The following FARP2 variants were observed in gnomAD, a reference collection of about 807,000 sequenced individuals.
FARP2 encodes the protein FERM, ARH/RhoGEF and pleckstrin domain protein 2.
A neutral mutation model predicts 130.5 loss-of-function variants in FARP2; 111 were observed. The ratio of observed to expected loss-of-function variants is 0.85; its 90% CI spans 0.73 to 1.00. The LOEUF is 1.00. FARP2 is among the 50% of genes least tolerant of loss of function. FARP2 has a pLI of 0.00. For missense variants in FARP2, 1,385 were observed against 1,346.3 expected (o/e 1.03, Z -0.45); for synonymous variants, 504 against 516.9 (o/e 0.98, Z 0.34).
chr2:241,376,240 G>T (rs1203233404), intron 2 of FARP2, among the ~76,000 whole-genome samples: 1 of 152,184 alleles, frequency 6.6e-6, no homozygotes, highest in Non-Finnish European at 1.5e-5. Context: ...CCAGAAGTGG[G>T]CACTGCAGTG....
intron 13 of FARP2, among the ~76,000 whole-genome samples, chr2:241,450,176 C>T (rs1032330536): frequency 3.3e-5 from 5 of 152,062 alleles, no homozygotes; most frequent in Non-Finnish European, 7.4e-5. Flanking sequence ...CCAGCCTGAG[C>T]AACATAGCAA....
intron 19 of FARP2, among the ~76,000 whole-genome samples, chr2:241,476,564 C>A (rs1340146224): frequency 6.6e-6 from 1 of 152,162 alleles, no homozygotes; most frequent in Non-Finnish European, 1.5e-5. Context: ...TGGCACATGC[C>A]TGTAATCCCA....
intron 22 of FARP2, 65 bp downstream of exon 22, chr2:241,490,109 T>TGAGCCTCTGAGTCCTCTGAGCTGTGAG (rs2064856746): frequency 8.9e-7 from 1 of 1,122,318 alleles, no homozygotes; most frequent in Non-Finnish European, 1.4e-6. Flanking sequence ...TTCCTCGCCA[T>TGAGCCTCTGAGTCCTCTGAGCTGTGAG]GAGCCTCTGA....
At chr2:241,491,463 G>A (rs112653436) in intron 23 of FARP2, 53 bp from the exon 24 acceptor site, 2 of 1,599,456 alleles carry the variant, frequency 1.3e-6, no homozygotes, top group East Asian at 2.2e-5. Flanking sequence ...GAAGTATTTG[G>A]CAAGCAGAGG....
At chr2:241,383,015 G>A (rs62193208) in intron 2 of FARP2, among the ~76,000 whole-genome samples, 16,809 of 152,224 alleles carry the variant, frequency 0.11, 1,189 homozygotes, top group Non-Finnish European at 0.15. Flanking sequence ...TGGAGACTTC[G>A]CAGAAAGTGA....
chr2:241,425,054 AT>A (rs1300873342), intron 8 of FARP2, among the ~76,000 whole-genome samples: 2 of 152,134 alleles, frequency 1.3e-5, no homozygotes, highest in African/African-American at 4.8e-5. Flanking sequence ...TACTAATATA[AT>A]AATTAGCCAG....
At chr2:241,413,101 A>G (rs1388687078) in intron 6 of FARP2, among the ~76,000 whole-genome samples, 1 of 152,204 alleles carries the variant, frequency 6.6e-6, no homozygotes, top group African/African-American at 2.4e-5. Flanking sequence ...TTGTTCTTCA[A>G]GAAATCCTCT....
At chr2:241,359,188 T>G (rs980539293) in intron 1 of FARP2, among the ~76,000 whole-genome samples, 19 of 152,218 alleles carry the variant, frequency 1.2e-4, no homozygotes, top group African/African-American at 4.1e-4. Flanking sequence ...GGAGGGTAGT[T>G]AGAGTGTTGT....
intron 13 of FARP2, chr2:241,442,350 G>A (rs765393313): frequency 1.1e-4 from 50 of 456,534 alleles, no homozygotes; most frequent in African/African-American, 2.4e-4. Context: ...CACCCACGAC[G>A]GCCGAGGACT....
intron 7 of FARP2, among the ~76,000 whole-genome samples, chr2:241,415,885 A>C (rs528826654): frequency 6.6e-6 from 1 of 152,216 alleles, no homozygotes; most frequent in African/African-American, 2.4e-5. Context: ...TTCTAGATTC[A>C]AGTACACTGA....
intron 24 of FARP2, 141 bp from the exon 25 acceptor site, chr2:241,492,785 AGCT>A (rs954530402): frequency 1.0e-5 from 6 of 591,678 alleles, no homozygotes; most frequent in Admixed American, 6.0e-5. Flanking sequence ...GTACTGATAA[AGCT>A]GCTGTTCATA....
intron 8 of FARP2, among the ~76,000 whole-genome samples, chr2:241,427,996 G>A (rs1416838901): frequency 6.6e-6 from 1 of 151,962 alleles, no homozygotes; most frequent in South Asian, 2.1e-4. Flanking sequence ...TCGATCTCCT[G>A]ACCTCGTGAT....
At chr2:241,408,725 G>A (rs1189527471) in intron 5 of FARP2, among the ~76,000 whole-genome samples, 1 of 152,106 alleles carries the variant, frequency 6.6e-6, no homozygotes, top group East Asian at 1.9e-4. Context: ...TGTTGTAGTG[G>A]TATCAATAAC....
chr2:241,392,386 G>A (rs911368690), intron 2 of FARP2, among the ~76,000 whole-genome samples: 3 of 152,210 alleles, frequency 2.0e-5, no homozygotes, highest in Admixed American at 2.0e-4. Flanking sequence ...GAATGGAAAG[G>A]CAATAAATAA....
Position 241,468,797 on chromosome 2 carries a change from C to G in FARP2, c.2131+420C>G, listed in dbSNP as rs141304051. 6.4e-4 allele frequency among the ~76,000 whole-genome samples: 98 copies of G among 152,352 alleles called. No individual in the cohort carries two copies. In the Middle Eastern group the frequency reaches 0.014, roughly 21 times the overall value. On this transcript the variant is annotated intron_variant, in intron 18 of 26. Transcript: ENST00000264042. ...TGTTTCTGTCCTGGAGGCCTTGGCT[C>G]TAAAACGTACAAAAGATTGGGCCAA...
intron 19 of FARP2, chr2:241,478,319 C>T: frequency 1.1e-5 from 2 of 179,208 alleles, no homozygotes; most frequent in South Asian, 1.3e-4. Flanking sequence ...GGAATTAATG[C>T]GAGCACTGCC....
At chr2:241,427,238 AACACAC>A (rs372290870) in intron 8 of FARP2, among the ~76,000 whole-genome samples, 3 of 151,786 alleles carry the variant, frequency 2.0e-5, no homozygotes, top group Non-Finnish European at 4.4e-5. Flanking sequence ...TCTGTCTCAA[AACACAC>A]ACACACACAT....
chr2:241,382,785 T>C (rs1301331075), intron 2 of FARP2, among the ~76,000 whole-genome samples: 1 of 152,222 alleles, frequency 6.6e-6, no homozygotes, highest in Non-Finnish European at 1.5e-5. Flanking sequence ...GGACATTTCA[T>C]ATTACAATTT....
At chr2:241,364,152 G>A (rs2061252980) in intron 1 of FARP2, among the ~76,000 whole-genome samples, 2 of 152,198 alleles carry the variant, frequency 1.3e-5, no homozygotes, top group Admixed American at 6.5e-5. Flanking sequence ...TTAAAAGCAG[G>A]GATCTTCCTC....
Sources: gnomAD v4.1 joint callset for allele counts (sites outside exome capture counted in the v4.1 genomes callset) on GRCh38, gnomAD v4.1.1 for gene constraint, MANE v1.5 for transcripts, NCBI Gene and HGNC (gene_info 2026-07-23, HGNC 2026-07-21) for gene names.